The following RCAN2 variants were observed in gnomAD, a reference collection of about 807,000 sequenced individuals.
RCAN2 encodes the protein regulator of calcineurin 2, also known as calcipressin-2.
RCAN2 carries 9 observed loss-of-function variants against 23.6 expected under a neutral mutation model. The observed-to-expected ratio is 0.38, with a 90% CI of 0.23 to 0.67. The LOEUF is 0.67. RCAN2 is among the 30% of genes least tolerant of loss of function. The probability of loss-of-function intolerance (pLI) is 0.51; values close to 1 mark genes in which losing one functional copy is unlikely to be tolerated. For synonymous variants in RCAN2, 109 were observed against 115.7 expected (o/e 0.94, Z 0.37); for missense variants, 273 against 302.3 (o/e 0.90, Z 0.72).
chr6:46,240,884 A>G (rs951995757), intron 4 of RCAN2, among the ~76,000 whole-genome samples: 1 of 152,238 alleles, frequency 6.6e-6, no homozygotes, highest in South Asian at 2.1e-4. Flanking sequence ...TTGGAAAAAA[A>G]TCTAAATATA....
chr6:46,364,076 T>C (rs1283118229), intron 2 of RCAN2, among the ~76,000 whole-genome samples: 1 of 152,202 alleles, frequency 6.6e-6, no homozygotes, highest in Non-Finnish European at 1.5e-5. Flanking sequence ...ACAGATGACC[T>C]GAAAGGGTGT....
At chr6:46,484,398 A>AAG in intron 1 of RCAN2, among the ~76,000 whole-genome samples, 1 of 152,188 alleles carries the variant, frequency 6.6e-6, no homozygotes, top group Admixed American at 6.5e-5. Context: ...TAGGTGAACA[A>AAG]AGACCTGCCT....
At chr6:46,471,728 G>A (rs1768562791) in intron 1 of RCAN2, among the ~76,000 whole-genome samples, 1 of 152,188 alleles carries the variant, frequency 6.6e-6, no homozygotes, top group South Asian at 2.1e-4. Flanking sequence ...TTTAGTGAGA[G>A]AAGAGGTCTA....
chr6:46,364,145 T>G (rs563295474), intron 2 of RCAN2, among the ~76,000 whole-genome samples: 2 of 152,206 alleles, frequency 1.3e-5, no homozygotes. Flanking sequence ...CATTTCAAAG[T>G]GCTTCCCAAT....
chr6:46,339,577 G>A (rs752535967), intron 2 of RCAN2, among the ~76,000 whole-genome samples: 3 of 152,028 alleles, frequency 2.0e-5, no homozygotes, highest in Non-Finnish European at 2.9e-5. Context: ...ATTAAACAGT[G>A]GCTTGACATG....
At position 46,350,357 on chromosome 6, in the gene RCAN2, G is replaced by T. The variant is rs150580061; in HGVS notation, c.226-101461C>A. Among the ~76,000 whole-genome samples the T allele has an allele frequency of 1.5e-3, 236 of 152,264 alleles. 3 individuals carry two copies. The highest frequency in any genetic ancestry group is 0.013 in the Admixed American group (204 of 15,300). ...GTTGATGTTAAGAAGAATTTGCATG[G>T]TTTACGAGCAGGTGAGCAGGCTGGA... On this transcript the variant is annotated intron_variant, in intron 2 of 4. Transcript: ENST00000371374.
Position 46,221,605 on chromosome 6 carries a change from G to A in RCAN2, c.*1536C>T, listed in dbSNP as rs1765477384. ...ATATTGCTATATTCACAGTAAAACG[G>A]ACTTTAATTTCTGAGTGATCAGTCT... On this transcript the variant is annotated 3_prime_UTR_variant, in exon 5 of 5. Transcript: ENST00000371374. 8.0e-6 allele frequency: 2 copies of A among 250,252 alleles called. No individual in the cohort carries two copies. Among genetic ancestry groups the A allele is most frequent in the Non-Finnish European group, 1.5e-5 (2 of 132,452 alleles). The allele number at this position is 250,252 out of a possible 1,614,324, so 15.5% of individuals were successfully genotyped here.
At chr6:46,415,616 G>A (rs1468137067) in intron 2 of RCAN2, among the ~76,000 whole-genome samples, 1 of 152,090 alleles carries the variant, frequency 6.6e-6, no homozygotes, top group Non-Finnish European at 1.5e-5. Flanking sequence ...CTGGGCAGAG[G>A]AAGAGGATTT....
intron 2 of RCAN2, among the ~76,000 whole-genome samples, chr6:46,374,007 T>C (rs752594860): frequency 5.3e-5 from 8 of 152,234 alleles, no homozygotes; most frequent in Non-Finnish European, 1.2e-4. Context: ...GCCTGAATTA[T>C]AGAATTTAAT....
At chr6:46,421,510 A>T (rs532571500) in intron 2 of RCAN2, among the ~76,000 whole-genome samples, 4 of 152,242 alleles carry the variant, frequency 2.6e-5, no homozygotes, top group Non-Finnish European at 4.4e-5. Context: ...ATTTAAGATG[A>T]CAGTGAAACA....
rs137977946 is a variant in RCAN2, at chr6:46,398,390, C to T, written c.225+58362G>A. On this transcript the variant is annotated intron_variant, in intron 2 of 4. Transcript: ENST00000371374. Reference sequence around the variant, plus strand: ...TCTTCCAAACTCTGGTGAGTGAGCCCGTGGAGGTCCAAAGATAATTTCTTA... The same window carrying T: ...TCTTCCAAACTCTGGTGAGTGAGCCTGTGGAGGTCCAAAGATAATTTCTTA... Among the ~76,000 whole-genome samples, 914 of 152,100 alleles carry T rather than the reference C, an allele frequency of 6.0e-3. 3 individuals are homozygous for T. Among genetic ancestry groups the T allele is most frequent in the South Asian group, 1.0e-2 (48 of 4,802 alleles).
At chr6:46,228,347 G>A (rs528067449) in intron 4 of RCAN2, among the ~76,000 whole-genome samples, 20 of 152,196 alleles carry the variant, frequency 1.3e-4, no homozygotes, top group South Asian at 6.2e-4. Flanking sequence ...TTTCTCTCTC[G>A]TTGATCTGTC....
chr6:46,274,284 A>G (rs753524398), intron 2 of RCAN2, among the ~76,000 whole-genome samples: 2 of 152,218 alleles, frequency 1.3e-5, no homozygotes, highest in Non-Finnish European at 2.9e-5. Flanking sequence ...CCATTACTCT[A>G]TTCAGGTAGC....
rs143293067 is a variant in RCAN2, at chr6:46,284,054, G to A, written c.226-35158C>T. On this transcript the variant is annotated intron_variant, in intron 2 of 4. Transcript: ENST00000371374. ...TATGAATTTTAAAAATTATATTCTC[G>A]TAAATTTGGCTTATAACATCAGAGA... is the stretch of plus-strand genomic sequence containing the variant. 1.8e-3 allele frequency among the ~76,000 whole-genome samples: 281 copies of A among 152,122 alleles called. 3 individuals carry two copies. The highest frequency in any genetic ancestry group is 5.8e-3 in the African/African-American group (241 of 41,492).
intron 2 of RCAN2, among the ~76,000 whole-genome samples, chr6:46,290,677 G>A (rs1159300665): frequency 6.6e-6 from 1 of 152,096 alleles, no homozygotes; most frequent in Admixed American, 6.6e-5. Flanking sequence ...AGCATAGAAG[G>A]AAATGAATCA....
chr6:46,220,953 T>C lies in RCAN2; in HGVS notation c.*2188A>G, dbSNP rs1581996243. 2 of 152,648 alleles carry C rather than the reference T, an allele frequency of 1.3e-5. No individual in the cohort carries two copies. Among genetic ancestry groups the C allele is most frequent in the East Asian group, 3.9e-4 (2 of 5,188 alleles). The allele number at this position is 152,648 out of a possible 1,614,324, so 9.5% of individuals were successfully genotyped here. A position where few individuals can be genotyped will look rare whatever the true frequency, so the allele number is the denominator to read the frequency against. On this transcript the variant is annotated 3_prime_UTR_variant, in exon 5 of 5. Transcript: ENST00000371374. ...CCCTTGCAACACTTCAAGGAGTCTT[T>C]CCATTTCTTATCGTTCTCCTAGGAA...
intron 1 of RCAN2, among the ~76,000 whole-genome samples, chr6:46,469,105 TTCTGCATTGCCACCTC>T (rs1359431835): frequency 6.6e-6 from 1 of 152,182 alleles, no homozygotes; most frequent in Non-Finnish European, 1.5e-5. Flanking sequence ...CTGATTGTAC[TTCTGCATTGCCACCTC>T]CCATCTAGAT....
At chr6:46,284,213 A>G (rs1157321343) in intron 2 of RCAN2, among the ~76,000 whole-genome samples, 1 of 152,176 alleles carries the variant, frequency 6.6e-6, no homozygotes, top group African/African-American at 2.4e-5. Flanking sequence ...TAAGAACTCA[A>G]ATAACAATTT....
chr6:46,431,168 T>C (rs1233404073), intron 2 of RCAN2, among the ~76,000 whole-genome samples: 1 of 152,076 alleles, frequency 6.6e-6, no homozygotes, highest in Non-Finnish European at 1.5e-5. Context: ...ATTTTCCTGG[T>C]TGAATTTAAT....
Sources: gnomAD v4.1 joint callset for allele counts (sites outside exome capture counted in the v4.1 genomes callset) on GRCh38, gnomAD v4.1.1 for gene constraint, MANE v1.5 for transcripts, NCBI Gene and HGNC (gene_info 2026-07-23, HGNC 2026-07-21) for gene names.